RBBP8: variants seen among roughly 807,000 people sequenced by gnomAD.
RBBP8 encodes RB binding protein 8, endonuclease.
A neutral mutation model predicts 108.3 loss-of-function variants in RBBP8; 88 were observed. The ratio of observed to expected loss-of-function variants is 0.81; its 90% CI spans 0.68 to 0.97. The LOEUF is 0.97. Among genes scored for constraint, RBBP8 ranks in the 50% least tolerant of loss-of-function variants. RBBP8 has a pLI of 0.00. For synonymous variants in RBBP8, 332 were observed against 348.2 expected, an observed-to-expected ratio of 0.95 and a Z score of 0.52; for missense variants, 1,023 against 1,049.0, an observed-to-expected ratio of 0.98 and a Z score of 0.34.
intron 8 of RBBP8, among the ~76,000 whole-genome samples, chr18:22,985,819 G>A (rs1238672124): frequency 1.3e-5 from 2 of 152,110 alleles, no homozygotes; most frequent in Non-Finnish European, 2.9e-5. Flanking sequence ...TCATCAGCAG[G>A]TAGATGGCAT....
chr18:22,974,241 G>C (rs370623876), intron 5 of RBBP8, among the ~76,000 whole-genome samples: 18 of 152,240 alleles, frequency 1.2e-4, no homozygotes, highest in African/African-American at 4.1e-4. Flanking sequence ...GGTTCCAGTA[G>C]AAGTTACAGC....
chr18:22,994,371 G>T (rs116845624), intron 12 of RBBP8, among the ~76,000 whole-genome samples: 6,832 of 149,166 alleles, frequency 0.046, 180 homozygotes, highest in African/African-American at 0.075. Context: ...GGCCCGGTAC[G>T]GTGGCTCACA....
intron 4 of RBBP8, among the ~76,000 whole-genome samples, chr18:22,960,596 A>T (rs962832290): frequency 1.3e-5 from 2 of 151,454 alleles, no homozygotes; most frequent in Admixed American, 6.6e-5. Flanking sequence ...CTCCCTTTAT[A>T]AAAAAAAAGT....
At chr18:22,993,680 C>T (rs2045790665) in intron 11 of RBBP8, 41 bp downstream of exon 11, 1 of 1,614,184 alleles carries the variant, frequency 6.2e-7, no homozygotes, top group Non-Finnish European at 8.5e-7. Context: ...AAAATGATTG[C>T]TTGTGATTTC....
At position 22,950,816 on chromosome 18, in the gene RBBP8, C is replaced by T. The variant is rs147075248; in HGVS notation, c.248+1103C>T. On this transcript the variant is annotated intron_variant, in intron 4 of 18. Transcript: ENST00000327155. ...GTCCTAGCTACTCAGGACACTGAGA[C>T]GGGAGGATTGCTTGAGTCCAGGAGT... Among the ~76,000 whole-genome samples, 410 of 152,116 alleles carry T rather than the reference C, an allele frequency of 2.7e-3. 6 individuals are homozygous for T. The highest frequency in any genetic ancestry group is 0.021 in the East Asian group (107 of 5,174).
At chr18:22,959,260 T>G (rs1474451168) in intron 4 of RBBP8, among the ~76,000 whole-genome samples, 1 of 152,248 alleles carries the variant, frequency 6.6e-6, no homozygotes, top group Non-Finnish European at 1.5e-5. Context: ...ATTTCTAGGT[T>G]TAAAATAGTT....
intron 15 of RBBP8, among the ~76,000 whole-genome samples, chr18:23,004,086 A>G (rs1441190019): frequency 6.7e-6 from 1 of 148,858 alleles, no homozygotes; most frequent in South Asian, 2.1e-4. Flanking sequence ...AAAAAAAACT[A>G]AAAATGGAAC....
chr18:22,917,335 T>C (rs1000600038), intron 3 of RBBP8, among the ~76,000 whole-genome samples: 10 of 152,252 alleles, frequency 6.6e-5, no homozygotes, highest in African/African-American at 1.9e-4. Flanking sequence ...TTGAGCCAAA[T>C]TGACATGGGT....
intron 3 of RBBP8, among the ~76,000 whole-genome samples, chr18:22,917,376 C>T (rs1355379781): frequency 6.6e-6 from 1 of 152,208 alleles, no homozygotes; most frequent in African/African-American, 2.4e-5. Context: ...TTACGTTCCC[C>T]TTGGAAATTA....
chr18:22,934,039 C>A (rs1910278726), intron 1 of RBBP8: 1 of 152,762 alleles, frequency 6.5e-6, no homozygotes, highest in South Asian at 2.1e-4. Context: ...TCTCGCCTTA[C>A]CCGTGTGAGA....
intron 18 of RBBP8, among the ~76,000 whole-genome samples, chr18:23,022,645 A>ATAAATAAAATAAAATAAAATAAATAAAG (rs1568010293): frequency 2.2e-5 from 1 of 45,094 alleles, no homozygotes; most frequent in African/African-American, 5.7e-5. Context: ...AATAAATAAA[A>ATAAATAAAATAAAATAAAATAAATAAAG]TACAATATAA....
At chr18:22,989,339 G>T (rs1254134672) in intron 9 of RBBP8, 21 bp downstream of exon 9, 1 of 1,500,162 alleles carries the variant, frequency 6.7e-7, no homozygotes, top group Non-Finnish European at 9.3e-7. Context: ...GTTTAGTTTG[G>T]CAATAACATG....
chr18:23,022,585 G>A (rs998146237), intron 18 of RBBP8, among the ~76,000 whole-genome samples: 7 of 77,360 alleles, frequency 9.0e-5, no homozygotes, highest in Non-Finnish European at 1.4e-4. Flanking sequence ...CTGGGCGACA[G>A]AACAAGACTC....
Position 22,982,903 on chromosome 18 carries a change from C to G in RBBP8, c.604+510C>G, listed in dbSNP as rs73966418. On this transcript the variant is annotated intron_variant, in intron 7 of 18. Coordinates refer to ENST00000327155, the MANE Select transcript of RBBP8 (RefSeq NM_002894.3). ...GCTATTATGTAGATGAGTCAAAATT[C>G]AAATACAGATCTTCTTAGCTCTGAA... is the stretch of plus-strand genomic sequence containing the variant. Among the ~76,000 whole-genome samples the G allele has an allele frequency of 1.5e-3, 234 of 152,312 alleles. 1 individual carries two copies. The highest frequency in any genetic ancestry group is 5.4e-3 in the African/African-American group (223 of 41,568).
intron 3 of RBBP8, among the ~76,000 whole-genome samples, chr18:22,919,849 G>C (rs999344335): frequency 6.6e-6 from 1 of 151,888 alleles, no homozygotes; most frequent in African/African-American, 2.4e-5. Context: ...ACCATGTCTA[G>C]CCTAATTAAT....
chr18:22,945,710 T>C (rs1233092773), intron 2 of RBBP8, among the ~76,000 whole-genome samples: 1 of 152,204 alleles, frequency 6.6e-6, no homozygotes, highest in African/African-American at 2.4e-5. Flanking sequence ...TAAATCAATA[T>C]TGGGTTTTAT....
At chr18:22,994,410 A>T (rs75476910) in intron 12 of RBBP8, among the ~76,000 whole-genome samples, 5 of 674 alleles carry the variant, frequency 7.4e-3, no homozygotes, top group South Asian at 0.5. Context: ...TGGGAGGCCG[A>T]CGCTGGTGGA....
intron 2 of RBBP8, among the ~76,000 whole-genome samples, chr18:22,915,707 A>AAT (rs1161247341): frequency 6.6e-6 from 1 of 152,146 alleles, no homozygotes; most frequent in Non-Finnish European, 1.5e-5. Context: ...ATTTCTGGTG[A>AAT]ATATATTGCA....
chr18:22,954,357 G>A (rs1912322246), intron 4 of RBBP8, among the ~76,000 whole-genome samples: 1 of 152,170 alleles, frequency 6.6e-6, no homozygotes, highest in South Asian at 2.1e-4. Context: ...ATTCCAAATG[G>A]GAGAAATTGG....
Sources: gnomAD v4.1 joint callset for allele counts (sites outside exome capture counted in the v4.1 genomes callset) on GRCh38, gnomAD v4.1.1 for gene constraint, MANE v1.5 for transcripts, NCBI Gene and HGNC (gene_info 2026-07-23, HGNC 2026-07-21) for gene names.